TMEM184B: variants seen among roughly 807,000 people sequenced by gnomAD.
TMEM184B encodes the protein transmembrane protein 184B.
A neutral mutation model predicts 41.8 loss-of-function variants in TMEM184B; 17 were observed. The ratio of observed to expected loss-of-function variants is 0.41; its 90% CI spans 0.28 to 0.61. TMEM184B has a LOEUF of 0.61. Ranked by LOEUF, TMEM184B falls within the 20% of genes least tolerant of loss-of-function variation. TMEM184B has a pLI of 0.34. For synonymous variants in TMEM184B, 240 were observed against 229.5 expected, an observed-to-expected ratio of 1.05 and a Z score of -0.41; for missense variants, 393 against 557.8, an observed-to-expected ratio of 0.70 and a Z score of 2.98.
intron 8 of TMEM184B, chr22:38,223,298 T>C (rs981630093): frequency 1.3e-5 from 2 of 152,462 alleles, no homozygotes; most frequent in African/African-American, 4.8e-5. Context: ...TTCTCTGCCA[T>C]GGGCCCCCTT....
rs926364489 is a variant in TMEM184B at position 38,219,958 on chromosome 22, G to A, written c.*1511C>T. ...GGCTGGGCCCCAACTCTCCTCACAGGTGGCAGGGAGGGAACCTGTTCATTC... is the reference window on the plus strand; with the variant it reads ...GGCTGGGCCCCAACTCTCCTCACAGATGGCAGGGAGGGAACCTGTTCATTC... On this transcript the variant is annotated 3_prime_UTR_variant, in exon 9 of 9. Transcript: ENST00000361906. The A allele has an allele frequency of 4.6e-5, 45 of 985,362 alleles. No individual in the cohort carries two copies. Among genetic ancestry groups the A allele is most frequent in the Non-Finnish European group, 4.9e-5 (41 of 829,966 alleles). The allele number at this position is 985,362 out of a possible 1,614,324, so 61.0% of individuals were successfully genotyped here.
chr22:38,257,437 T>C (rs1475017797), intron 1 of TMEM184B, among the ~76,000 whole-genome samples: 1 of 152,206 alleles, frequency 6.6e-6, no homozygotes, highest in African/African-American at 2.4e-5. Flanking sequence ...AGGATGCGTC[T>C]GCTCCGTGTG....
intron 1 of TMEM184B, among the ~76,000 whole-genome samples, chr22:38,271,523 C>G (rs2145803228): frequency 6.6e-6 from 1 of 152,330 alleles, no homozygotes; most frequent in East Asian, 1.9e-4. Flanking sequence ...CGTCAGTCAT[C>G]CTTCAGGCTT....
chr22:38,259,190 C>T (rs2092331363), intron 1 of TMEM184B, among the ~76,000 whole-genome samples: 1 of 152,330 alleles, frequency 6.6e-6, no homozygotes, highest in Admixed American at 6.5e-5. Context: ...CACCATCTCA[C>T]CCAGATTCTA....
chr22:38,262,058 T>C (rs1432533949), intron 1 of TMEM184B, among the ~76,000 whole-genome samples: 3 of 152,192 alleles, frequency 2.0e-5, no homozygotes, highest in African/African-American at 7.2e-5. Context: ...AGTGGTATAT[T>C]TGGTGAACTC....
At chr22:38,221,897 G>T in intron 8 of TMEM184B, 187 bp from the exon 9 acceptor site, 1 of 847,524 alleles carries the variant, frequency 1.2e-6, no homozygotes, top group Non-Finnish European at 1.8e-6. Flanking sequence ...GGACTTCTTT[G>T]GCTGGGGAGC....
intron 8 of TMEM184B, chr22:38,223,681 C>T (rs992164289): frequency 6.6e-6 from 1 of 152,382 alleles, no homozygotes; most frequent in Non-Finnish European, 1.5e-5. Flanking sequence ...CAGCCAGGCT[C>T]CTGGGTGGAT....
In TMEM184B at chr22:38,272,900, G is replaced by T; in HGVS notation, c.-75C>A. ...GCGGGATACCTCAGGAGCCCATGGC[G>T]GTGGCGGCGTCTGCGGACGATGCGC... On this transcript the variant is annotated 5_prime_UTR_variant, in exon 1 of 9. Transcript: ENST00000361906. The T allele has an allele frequency of 1.3e-6, 1 of 772,938 alleles. No homozygotes were observed. The highest frequency in any genetic ancestry group is 1.6e-6 in the Non-Finnish European group (1 of 636,078). The allele number at this position is 772,938 out of a possible 1,614,324, so 47.9% of individuals were successfully genotyped here. A position where few individuals can be genotyped will look rare whatever the true frequency, so the allele number is the denominator to read the frequency against.
rs1226718901 is a variant in TMEM184B at position 38,221,710 on chromosome 22, C to G, written c.983G>C (p.Gly328Ala). 6.2e-7 allele frequency: 1 copy of G among 1,613,364 alleles called. No homozygotes were observed. Among genetic ancestry groups the G allele is most frequent in the Non-Finnish European group, 8.5e-7 (1 of 1,179,790 alleles). ...VYADKRLDAQGRCAPMKSISS... is the reference protein window; with the variant it reads ...VYADKRLDAQARCAPMKSISS... The stretch of plus-strand genomic sequence containing the variant: ...GATGCTCTTCATGGGGGCACAGCGG[C>G]CTGCCGGGCAGGGAGCGGGAGGGGC... The change falls in exon 9 of 9, where the codon GGC (glycine) becomes GCC (alanine). Residue 328 changes from glycine to alanine, a missense_variant and splice_region_variant. Transcript: ENST00000361906.
At chr22:38,264,409 A>AGGGGGT (rs1426463457) in intron 1 of TMEM184B, among the ~76,000 whole-genome samples, 2 of 147,372 alleles carry the variant, frequency 1.4e-5, no homozygotes, top group African/African-American at 5.1e-5. Flanking sequence ...GCCAGGTGGG[A>AGGGGGT]GGGGGTGGGG....
chr22:38,228,160 G>A (rs759258101), intron 5 of TMEM184B, among the ~76,000 whole-genome samples: 5 of 152,158 alleles, frequency 3.3e-5, no homozygotes, highest in Admixed American at 2.0e-4. Flanking sequence ...TGGGGCAGAC[G>A]TGCAGTCCCA....
chr22:38,258,045 T>C (rs1053308694), intron 1 of TMEM184B, among the ~76,000 whole-genome samples: 3 of 151,998 alleles, frequency 2.0e-5, no homozygotes, highest in Non-Finnish European at 4.4e-5. Context: ...TGCCAGTGAG[T>C]GCAGTCTCCA....
At chr22:38,217,146 G>A (rs182275934), downstream of TMEM184B, among the ~76,000 whole-genome samples, 2,609 of 151,000 alleles carry the variant, frequency 0.017, 27 homozygotes, top group Non-Finnish European at 0.023. Flanking sequence ...GACCAACATG[G>A]TGAAACCCCG....
At position 38,231,332 on chromosome 22, in the gene TMEM184B, A is replaced by G. The variant is rs1286807084; in HGVS notation, c.361T>C (p.Leu121=). ...AGGCTCAGGAAATTATAGATGACCA[A>G]GGCTGCGAAGAGAGTGTCCAGGAGA... ...FGTVRDCYEA[L]VIYNFLSLCY... The change falls in exon 4 of 9, where the codon TTG becomes CTG. Residue 121 remains leucine (L), a splice_region_variant and synonymous_variant. Coordinates refer to ENST00000361906, the MANE Select transcript of TMEM184B (RefSeq NM_012264.5). 2 of 1,613,968 alleles carry G rather than the reference A, an allele frequency of 1.2e-6. No individual in the cohort carries two copies. Among genetic ancestry groups the G allele is most frequent in the East Asian group, 4.5e-5 (2 of 44,884 alleles).
chr22:38,264,992 C>A (rs2092423715), intron 1 of TMEM184B, among the ~76,000 whole-genome samples: 1 of 152,236 alleles, frequency 6.6e-6, no homozygotes, highest in South Asian at 2.1e-4. Flanking sequence ...CCTGCATCTA[C>A]CTTTCTTCTC....
intron 1 of TMEM184B, among the ~76,000 whole-genome samples, chr22:38,254,232 A>T (rs118151345): frequency 0.012 from 1,845 of 151,038 alleles, 10 homozygotes; most frequent in Middle Eastern, 0.031. Context: ...GCACCATGGT[A>T]AAAAGAAAAC....
At chr22:38,227,028 C>T (rs1244521848) in intron 5 of TMEM184B, among the ~76,000 whole-genome samples, 158 bp from the exon 6 acceptor site, 1 of 140,726 alleles carries the variant, frequency 7.1e-6, no homozygotes, top group African/African-American at 2.8e-5. Context: ...GATGGAGGGA[C>T]GAAGGGATGG....
intron 5 of TMEM184B, among the ~76,000 whole-genome samples, chr22:38,228,842 C>A (rs1297485108): frequency 6.6e-6 from 1 of 152,174 alleles, no homozygotes; most frequent in African/African-American, 2.4e-5. Flanking sequence ...TCTAACAAGG[C>A]CACACTAGCT....
At chr22:38,236,498 TC>T (rs896246081) in intron 3 of TMEM184B, among the ~76,000 whole-genome samples, 9 of 152,058 alleles carry the variant, frequency 5.9e-5, no homozygotes, top group Non-Finnish European at 1.3e-4. Flanking sequence ...GTTTTTTTTT[TC>T]TTGATGCAGG....
Sources: allele counts gnomAD v4.1 joint callset (sites outside exome capture counted in the v4.1 genomes callset), GRCh38; gene constraint gnomAD v4.1.1; transcripts MANE v1.5; gene names NCBI Gene and HGNC (gene_info 2026-07-23, HGNC 2026-07-21).